Variants in ITPR3 observed in about 807,000 individuals in gnomAD.
The protein encoded by ITPR3 is inositol 1,4,5-trisphosphate receptor type 3, also known as inositol 1,4,5-trisphosphate-gated calcium channel ITPR3.
Under a neutral mutation model 293.2 loss-of-function variants are expected in ITPR3, and 173 were observed. The observed-to-expected ratio is 0.59, with a 90% confidence interval of 0.52 to 0.67. The LOEUF (loss-of-function observed/expected upper bound fraction) is 0.67, where lower values mean the gene tolerates loss of function less well. ITPR3 is among the 30% of genes least tolerant of loss of function. The probability of loss-of-function intolerance (pLI) is 0.00; values close to 1 mark genes in which losing one functional copy is unlikely to be tolerated. For missense variants in ITPR3, 2,796 were observed against 3,592.1 expected (o/e 0.78, Z 5.66); for synonymous variants, 1,295 against 1,444.4 (o/e 0.90, Z 2.35).
rs753304008 is a variant in ITPR3, at chr6:33,688,268, G to T, written c.6405G>T (p.Gln2135His). 6.2e-7 allele frequency: 1 copy of T among 1,614,086 alleles called. No individual in the cohort carries two copies. Among genetic ancestry groups the T allele is most frequent in the African/African-American group, 1.3e-5 (1 of 74,946 alleles). The change falls in exon 48 of 58, where the codon CAG (glutamine) becomes CAT (histidine). Residue 2135 changes from glutamine (Q) to histidine (H), a missense_variant. By Grantham distance (24) the Gln-to-His change is conservative. This residue lies in a region of ITPR3 where 568 missense variants were observed against 796.1 expected (regional missense o/e 0.71). Coordinates refer to ENST00000605930, the MANE Select transcript of ITPR3 (RefSeq NM_002224.4). ...TGCGGCAGGACCGCAGCATGGAGCA[G>T]ATCGTGTTCCCAGTGCCCGGCATCT... ...EIVRQDRSMEQIVFPVPGICQ... is the reference protein window; with the variant it reads ...EIVRQDRSMEHIVFPVPGICQ...
Position 33,664,786 on chromosome 6 carries a change from C to A in ITPR3, c.1149-84C>A. ...GTGTGGAGTAGGGTGGCAGCTGTGG[C>A]AGTGTTGGGGAGGTAGGCCGGCAGG... is the stretch of plus-strand genomic sequence containing the variant. On this transcript the variant is annotated intron_variant, in intron 11 of 57. Transcript: ENST00000605930. This position sits in a 1 kb window ranked among gnomAD's most constrained non-coding sequence, Gnocchi z 4.4. 1.7e-6 allele frequency: 2 copies of A among 1,146,576 alleles called. No individual in the cohort carries two copies. Among genetic ancestry groups the A allele is most frequent in the Non-Finnish European group, 1.3e-6 (1 of 778,420 alleles). 71.0% of individuals were successfully genotyped at this position (1,146,576 alleles called of 1,614,324 possible). A position where few individuals can be genotyped will look rare whatever the true frequency, so the allele number is the denominator to read the frequency against.
chr6:33,674,038 G>T (rs927580331), intron 23 of ITPR3, among the ~76,000 whole-genome samples, 170 bp from the exon 24 acceptor site: 1 of 152,132 alleles, frequency 6.6e-6, no homozygotes, highest in Non-Finnish European at 1.5e-5. Context: ...CCCTGCAGGG[G>T]AGTAGGGGGC....
chr6:33,662,001 A>AAAG (rs1764483585), intron 7 of ITPR3, among the ~76,000 whole-genome samples: 1 of 149,100 alleles, frequency 6.7e-6, no homozygotes. Flanking sequence ...TGAAAAAAAA[A>AAAG]AAAAAAAAAA....
rs996963337 is a variant in ITPR3 at position 33,691,465 on chromosome 6, A to G, written c.7226-150A>G. The G allele has an allele frequency of 1.2e-5, 8 of 676,664 alleles. No individual in the cohort carries two copies. The highest frequency in any genetic ancestry group is 1.8e-5 in the African/African-American group (1 of 55,692). The allele number at this position is 676,664 out of a possible 1,614,324, so 41.9% of individuals were successfully genotyped here. A position where few individuals can be genotyped will look rare whatever the true frequency, so the allele number is the denominator to read the frequency against. On this transcript the variant is annotated intron_variant, in intron 52 of 57. Coordinates refer to ENST00000605930, the MANE Select transcript of ITPR3 (RefSeq NM_002224.4). The surrounding 1 kb of genome is among the most constrained non-coding windows in gnomAD (Gnocchi z 4.9). ...AGTGTGCAACCCAGTCGGGGGCAGA[A>G]GCGTGATGACCCTTCACTGTGGCTG...
intron 1 of ITPR3, among the ~76,000 whole-genome samples, chr6:33,630,151 T>C (rs1003896079): frequency 6.6e-5 from 10 of 152,114 alleles, no homozygotes; most frequent in Non-Finnish European, 1.3e-4. Flanking sequence ...TTATGCCTCT[T>C]CAGTTTCCTT....
Position 33,670,257 on chromosome 6 carries a change from T to A in ITPR3, c.2190-68T>A. ...CACTTTACTGAGTCCTCACCAAGTC[T>A]AGTGCCCAGTGCCAGCAGCCTCCCG... On this transcript the variant is annotated intron_variant, in intron 18 of 57. Transcript: ENST00000605930. The surrounding 1 kb of genome is among the most constrained non-coding windows in gnomAD (Gnocchi z 6.7). 1 of 1,565,762 alleles carries A rather than the reference T, an allele frequency of 6.4e-7. No individual in the cohort carries two copies. The highest frequency in any genetic ancestry group is 8.8e-7 in the Non-Finnish European group (1 of 1,141,198).
Position 33,680,606 on chromosome 6 carries a change from G to A in ITPR3, c.4402G>A (p.Val1468Met), listed in dbSNP as rs139191409. 6.8e-5 allele frequency: 110 copies of A among 1,613,986 alleles called. No individual in the cohort carries two copies. The highest frequency in any genetic ancestry group is 3.3e-4 in the Middle Eastern group (2 of 6,084). The change falls in exon 33 of 58, where the codon GTG becomes ATG. Residue 1468 changes from valine (V) to methionine (M), a missense_variant. Val to Met is a conservative substitution (Grantham distance 21, BLOSUM62 1). Coordinates refer to ENST00000605930, the MANE Select transcript of ITPR3 (RefSeq NM_002224.4). ...GGCTGACCCCACCTTGGAGAAGTAC[G>A]TGCTGAGCGTTGTGCTGGACACCAT... ...RVADPTLEKY[V>M]LSVVLDTINA...
chr6:33,688,273 T>C lies in ITPR3; in HGVS notation c.6410T>C (p.Val2137Ala). The change falls in exon 48 of 58, where the codon GTG (valine) becomes GCG (alanine). Residue 2137 changes from valine to alanine, a missense_variant. Val to Ala is a moderately conservative substitution (Grantham distance 64). Transcript: ENST00000605930. ...CAGGACCGCAGCATGGAGCAGATCG[T>C]GTTCCCAGTGCCCGGCATCTGCCAG... is the stretch of plus-strand genomic sequence containing the variant. ...VRQDRSMEQI[V>A]FPVPGICQFL... is the part of the protein sequence containing the mutation. 6.2e-7 allele frequency: 1 copy of C among 1,614,178 alleles called. No individual in the cohort carries two copies. The highest frequency in any genetic ancestry group is 8.5e-7 in the Non-Finnish European group (1 of 1,180,020).
rs1289228847 is a variant in ITPR3 at position 33,677,100 on chromosome 6, A to G, written c.3522+11A>G. The stretch of plus-strand genomic sequence containing the variant: ...CAGATCGTCAAGGGCGTGAGTGGCC[A>G]AGGGTCCTCGGGGTAGGGATCTGCA... On this transcript the variant is annotated intron_variant, in intron 27 of 57. Coordinates refer to ENST00000605930, the MANE Select transcript of ITPR3 (RefSeq NM_002224.4). The G allele has an allele frequency of 1.9e-6, 3 of 1,613,016 alleles. No individual in the cohort carries two copies. The highest frequency in any genetic ancestry group is 2.5e-6 in the Non-Finnish European group (3 of 1,179,296).
chr6:33,666,980 G>T lies in ITPR3; in HGVS notation c.1552-149G>T, dbSNP rs1764626253. ...CTGGGGCTGAGGATGGCTGGGCTGG[G>T]GTTGTGGTCCAGCTTAGAATCAGCT... On this transcript the variant is annotated intron_variant, in intron 14 of 57. Coordinates refer to ENST00000605930, the MANE Select transcript of ITPR3 (RefSeq NM_002224.4). This position sits in a 1 kb window ranked among gnomAD's most constrained non-coding sequence, Gnocchi z 5.1. 3 of 912,050 alleles carry T rather than the reference G, an allele frequency of 3.3e-6. No individual in the cohort carries two copies. Among genetic ancestry groups the T allele is most frequent in the East Asian group, 2.6e-5 (1 of 38,400 alleles). The allele number at this position is 912,050 out of a possible 1,614,324, so 56.5% of individuals were successfully genotyped here. A position where few individuals can be genotyped will look rare whatever the true frequency, so the allele number is the denominator to read the frequency against.
intron 1 of ITPR3, among the ~76,000 whole-genome samples, chr6:33,631,061 C>T (rs1156473956): frequency 2.6e-5 from 4 of 152,208 alleles, no homozygotes; most frequent in Non-Finnish European, 5.9e-5. Flanking sequence ...CCAGGCTTCC[C>T]ACCCACCACC....
At chr6:33,689,965 G>A (rs1276546670) in intron 50 of ITPR3, 69 bp from the exon 51 acceptor site, 10 of 1,576,330 alleles carry the variant, frequency 6.3e-6, no homozygotes, top group Non-Finnish European at 4.3e-6. Flanking sequence ...GCTGGGCACT[G>A]GGGGACATGC....
rs1246825647 is a variant in ITPR3 at position 33,621,332 on chromosome 6, C to T, written c.-271C>T. 1.0e-5 allele frequency: 2 copies of T among 200,746 alleles called. No homozygotes were observed. Among genetic ancestry groups the T allele is most frequent in the East Asian group, 1.2e-4 (1 of 8,402 alleles). The allele number at this position is 200,746 out of a possible 1,614,324, so 12.4% of individuals were successfully genotyped here. A position where few individuals can be genotyped will look rare whatever the true frequency, so the allele number is the denominator to read the frequency against. ...GTGTGTGGTGGCCCCAGACTTCCTG[C>T]TCCTTCTACGCTGCAGGTACGCGCG... On this transcript the variant is annotated 5_prime_UTR_variant, in exon 1 of 58. Coordinates refer to ENST00000605930, the MANE Select transcript of ITPR3 (RefSeq NM_002224.4). This position sits in a 1 kb window ranked among gnomAD's most constrained non-coding sequence, Gnocchi z 7.7.
At position 33,666,895 on chromosome 6, in the gene ITPR3, C is replaced by A. The variant is rs1764623708; in HGVS notation, c.1552-234C>A. Among the ~76,000 whole-genome samples, 1 of 152,184 alleles carries A rather than the reference C, an allele frequency of 6.6e-6. No individual in the cohort carries two copies. The highest frequency in any genetic ancestry group is 2.4e-5 in the African/African-American group (1 of 41,446). ...CCCAGATCTGAGCTGGGATTAGAAT[C>A]CGCATCAGGGAGGGATAGGCTGGGG... On this transcript the variant is annotated intron_variant, in intron 14 of 57. Coordinates refer to ENST00000605930, the MANE Select transcript of ITPR3 (RefSeq NM_002224.4). The surrounding 1 kb of genome is among the most constrained non-coding windows in gnomAD (Gnocchi z 5.1).
rs201990563 is a variant in ITPR3 at position 33,658,974 on chromosome 6, A to T, written c.529-47A>T. Reference sequence around the variant, plus strand: ...AGGGAGGCCTGGAGGCGTGGTGACAAGAGGGCCCTGCCCTTCCCACCTAAC... The same window carrying T: ...AGGGAGGCCTGGAGGCGTGGTGACATGAGGGCCCTGCCCTTCCCACCTAAC... On this transcript the variant is annotated intron_variant, in intron 5 of 57. Coordinates refer to ENST00000605930, the MANE Select transcript of ITPR3 (RefSeq NM_002224.4). The surrounding 1 kb of genome is among the most constrained non-coding windows in gnomAD (Gnocchi z 6.1). 7.5e-6 allele frequency: 12 copies of T among 1,608,148 alleles called. No individual in the cohort carries two copies. The East Asian group carries it at 2.7e-4, about 36-fold the overall frequency.
chr6:33,621,802 C>G lies in ITPR3; in HGVS notation c.89+111C>G, dbSNP rs907502644. On this transcript the variant is annotated intron_variant, in intron 1 of 57. Coordinates refer to ENST00000605930, the MANE Select transcript of ITPR3 (RefSeq NM_002224.4). This position sits in a 1 kb window ranked among gnomAD's most constrained non-coding sequence, Gnocchi z 7.7. ...CCCCGATAGAGGCCTGGACGTCCCCCTAGTCTCAAGGAGCGGGAACGGCTC... is the reference window on the plus strand; with the variant it reads ...CCCCGATAGAGGCCTGGACGTCCCCGTAGTCTCAAGGAGCGGGAACGGCTC... 5 of 769,804 alleles carry G rather than the reference C, an allele frequency of 6.5e-6. No homozygotes were observed. Among genetic ancestry groups the G allele is most frequent in the Admixed American group, 2.5e-5 (1 of 40,230 alleles). 47.7% of individuals were successfully genotyped at this position (769,804 alleles called of 1,614,324 possible).
chr6:33,678,733 TGCTG>T lies in ITPR3; in HGVS notation c.3869_3872del (p.Leu1290ProfsTer30), dbSNP rs1262662237. 1 of 1,613,536 alleles carries T rather than the reference TGCTG, an allele frequency of 6.2e-7. No individual in the cohort carries two copies. ...CCTGTGTTGCAGCACTTCGTGCACC[TGCTG>T]GCCACGCACGGGCGCCATGTGCAGT... On this transcript the variant is annotated frameshift_variant, in exon 30 of 58. Transcript: ENST00000605930. LOFTEE classifies it high-confidence loss of function.
In ITPR3 at chr6:33,672,268, G is replaced by C; in HGVS notation, c.2928+40G>C. 2 of 1,573,712 alleles carry C rather than the reference G, an allele frequency of 1.3e-6. No homozygotes were observed. Among genetic ancestry groups the C allele is most frequent in the East Asian group, 4.5e-5 (2 of 44,324 alleles). On this transcript the variant is annotated intron_variant, in intron 22 of 57. Coordinates refer to ENST00000605930, the MANE Select transcript of ITPR3 (RefSeq NM_002224.4). This position sits in a 1 kb window ranked among gnomAD's most constrained non-coding sequence, Gnocchi z 5.0. The stretch of plus-strand genomic sequence containing the variant: ...ACCGTGTGGGAGGTGTTGGGTATAG[G>C]GGGAGGGTAATGGGGCGGGTACAGG...
rs751740629 is a variant in ITPR3 at position 33,687,253 on chromosome 6, C to T, written c.6103C>T (p.Gln2035Ter). The change falls in exon 45 of 58, where the codon CAG becomes TAG. Residue 2035 changes from glutamine to a stop codon, truncating the protein, a stop_gained. Transcript: ENST00000605930. LOFTEE classifies it high-confidence loss of function. The surrounding 1 kb of genome is among the most constrained non-coding windows in gnomAD (Gnocchi z 5.3). ...LVDVIKKAYL[Q>*]EEERENSEVS... ...GGACGTCATCAAGAAGGCCTACCTG[C>T]AGGAGGAAGAGCGTGAGAACTCGGA... 1.2e-6 allele frequency: 2 copies of T among 1,613,348 alleles called. No homozygotes were observed. The highest frequency in any genetic ancestry group is 8.5e-7 in the Non-Finnish European group (1 of 1,179,392).
Sources: allele counts gnomAD v4.1 joint callset (sites outside exome capture counted in the v4.1 genomes callset), GRCh38; gene constraint gnomAD v4.1.1; regional missense constraint gnomAD v4.1.1; non-coding constraint Gnocchi (gnomAD v3.1); transcripts MANE v1.5; gene names NCBI Gene and HGNC (gene_info 2026-07-23, HGNC 2026-07-21).